Variants in ZNHIT3 observed in about 807,000 individuals in gnomAD.
ZNHIT3 encodes the protein zinc finger HIT domain-containing protein 3.
In ZNHIT3, 27 loss-of-function variants were observed where a neutral mutation model predicts 19.9. The observed-to-expected ratio is 1.36, with a 90% CI of 1.00 to 1.87. ZNHIT3 has a LOEUF of 1.87. Among genes scored for constraint, ZNHIT3 ranks in the 40% most tolerant of loss-of-function variants. The pLI is 0.00. For missense variants in ZNHIT3, 215 were observed against 185.6 expected, an observed-to-expected ratio of 1.16 and a Z score of -0.92; for synonymous variants, 81 against 65.7, an observed-to-expected ratio of 1.23 and a Z score of -1.13.
At chr17:36,498,937 G>A (rs946116742), downstream of ZNHIT3, 1 of 670,622 alleles carries the variant, frequency 1.5e-6, no homozygotes, top group East Asian at 2.8e-5. Context: ...CATACATGAG[G>A]AATATGAGGC....
At chr17:36,498,889 A>AG (rs1488060455), downstream of ZNHIT3, 2 of 598,594 alleles carry the variant, frequency 3.3e-6, no homozygotes, top group Non-Finnish European at 6.0e-6. Context: ...CTTCACCTAC[A>AG]TAACCACCCT....
intron 2 of ZNHIT3, chr17:36,490,195 C>G (rs1443668213): frequency 6.6e-6 from 1 of 152,042 alleles, no homozygotes; most frequent in African/African-American, 2.4e-5. Flanking sequence ...CCTGTGTTTT[C>G]TTGTAGTAGT....
intron 2 of ZNHIT3, chr17:36,489,307 C>T (rs1254258900): frequency 2.0e-5 from 3 of 152,156 alleles, no homozygotes; most frequent in Non-Finnish European, 4.4e-5. Flanking sequence ...GATATATATA[C>T]AGTAGTGGGA....
rs186512951 is a variant in ZNHIT3, at chr17:36,492,789, G to C, written c.119-24G>C. ...TGTCGCTGAAATGGAGGTAATGTGGGCCTGGGATTTGTGTCTTTTTCAGAA... is the reference window on the plus strand; with the variant it reads ...TGTCGCTGAAATGGAGGTAATGTGGCCCTGGGATTTGTGTCTTTTTCAGAA... On this transcript the variant is annotated intron_variant, in intron 2 of 4. Transcript: ENST00000617429. 3.0e-3 allele frequency: 4,866 copies of C among 1,609,486 alleles called. 16 individuals are homozygous for C. Among genetic ancestry groups the C allele is most frequent in the Non-Finnish European group, 3.1e-3 (3,672 of 1,176,586 alleles).
At position 36,495,650 on chromosome 17, in the gene ZNHIT3, T is replaced by C; in HGVS notation, c.*246T>C. 2 of 1,289,468 alleles carry C rather than the reference T, an allele frequency of 1.6e-6. No homozygotes were observed. Among genetic ancestry groups the C allele is most frequent in the Non-Finnish European group, 2.0e-6 (2 of 1,021,970 alleles). 79.9% of individuals were successfully genotyped at this position (1,289,468 alleles called of 1,614,324 possible). ...CATTCAGATGATTGTTTTTAAATGT[T>C]TTACTTTTGGTACAGTTGATAGACA... On this transcript the variant is annotated 3_prime_UTR_variant, in exon 5 of 5. Transcript: ENST00000617429.
intron 4 of ZNHIT3, among the ~76,000 whole-genome samples, chr17:36,494,942 A>G (rs1387096587): frequency 6.6e-6 from 1 of 152,150 alleles, no homozygotes; most frequent in Admixed American, 6.6e-5. Context: ...GATACCAAGA[A>G]CTGGTATCTG....
chr17:36,488,877 A>G (rs994577860), intron 2 of ZNHIT3, among the ~76,000 whole-genome samples: 1 of 152,246 alleles, frequency 6.6e-6, no homozygotes, highest in Non-Finnish European at 1.5e-5. Context: ...TGCTGCCAAC[A>G]TGGTCACACT....
At chr17:36,493,112 G>A (rs1277617168) in intron 3 of ZNHIT3, 2 of 595,664 alleles carry the variant, frequency 3.4e-6, no homozygotes, top group Non-Finnish European at 5.9e-6. Context: ...AAGAAAAATG[G>A]GCAGAAGACA....
At chr17:36,490,134 G>A (rs2142524395) in intron 2 of ZNHIT3, 1 of 151,964 alleles carries the variant, frequency 6.6e-6, no homozygotes, top group East Asian at 1.9e-4. Flanking sequence ...CTGTGTTTTT[G>A]AGATTTTATT....
At chr17:36,486,876 C>T (rs755027653) in intron 1 of ZNHIT3, 59 bp from the exon 2 acceptor site, 166 of 1,591,162 alleles carry the variant, frequency 1.0e-4, no homozygotes, top group African/African-American at 1.4e-4. Context: ...AGCGGGCGGG[C>T]TGCTGGAGGG....
At chr17:36,493,170 T>G (rs2070767304) in intron 3 of ZNHIT3, 1 of 514,266 alleles carries the variant, frequency 1.9e-6, no homozygotes, top group Admixed American at 3.4e-5. Context: ...CGGTGGGCCC[T>G]GCTGGCAGGA....
chr17:36,493,206 T>A (rs62070707), intron 3 of ZNHIT3: 153,566 of 435,410 alleles, frequency 0.35, 29,756 homozygotes, highest in Non-Finnish European at 0.42. Flanking sequence ...TAGCTGCTGG[T>A]CTCCCTCCAT....
chr17:36,486,926 T>TAAC lies in ZNHIT3; in HGVS notation c.87-9_87-8insAAC. 6.2e-7 allele frequency: 1 copy of TAAC among 1,609,728 alleles called. No homozygotes were observed. The highest frequency in any genetic ancestry group is 8.5e-7 in the Non-Finnish European group (1 of 1,178,936). On this transcript the variant is annotated splice_polypyrimidine_tract_variant and intron_variant, in intron 1 of 4. Transcript: ENST00000617429. Reference sequence around the variant, plus strand: ...GGGCTGACGCGGCCTGTGGCCTCTGTTGTTACAGCTGCTCGGTAGTCTGCT... The same window carrying TAAC: ...GGGCTGACGCGGCCTGTGGCCTCTGTAACTGTTACAGCTGCTCGGTAGTCTGCT...
downstream of ZNHIT3, chr17:36,498,959 A>T (rs1460268233): frequency 1.3e-6 from 1 of 790,278 alleles, no homozygotes; most frequent in Non-Finnish European, 2.1e-6. Context: ...CAGAGAGGCT[A>T]AACAACCTGC....
In ZNHIT3 at chr17:36,493,389, T is replaced by C. The variant is rs534438087; in HGVS notation, c.205+490T>C. 24 of 174,564 alleles carry C rather than the reference T, an allele frequency of 1.4e-4. 1 individual carries two copies. The highest frequency in any genetic ancestry group is 1.2e-3 in the South Asian group (8 of 6,454). 10.8% of individuals were successfully genotyped at this position (174,564 alleles called of 1,614,324 possible). ...AATACCTCCTGGGTGTCAAGCACCA[T>C]GCCAGGCTCTGAAAGCAGCCCCTCT... On this transcript the variant is annotated intron_variant, in intron 3 of 4. Transcript: ENST00000617429.
chr17:36,488,796 G>T (rs888266821), intron 2 of ZNHIT3, among the ~76,000 whole-genome samples: 1 of 152,022 alleles, frequency 6.6e-6, no homozygotes, highest in South Asian at 2.1e-4. Context: ...TAGCATATTC[G>T]CCCCAAATAA....
downstream of ZNHIT3, chr17:36,499,070 C>CT: frequency 6.2e-7 from 1 of 1,604,080 alleles, no homozygotes; most frequent in South Asian, 1.1e-5. Flanking sequence ...TTGGGTCTTA[C>CT]TTACTCTCCA....
intron 2 of ZNHIT3, chr17:36,491,471 A>C (rs1189820532): frequency 1.3e-5 from 2 of 152,128 alleles, no homozygotes; most frequent in African/African-American, 4.8e-5. Flanking sequence ...AACGGAGACA[A>C]ACTTTATCTA....
At chr17:36,497,611 C>T (rs1003184262), downstream of ZNHIT3, 25 of 893,372 alleles carry the variant, frequency 2.8e-5, no homozygotes, top group Non-Finnish European at 3.2e-5. Context: ...TTTAGATGGA[C>T]TCTCGTCCTG....
Sources: gnomAD v4.1 joint callset for allele counts (sites outside exome capture counted in the v4.1 genomes callset) on GRCh38, gnomAD v4.1.1 for gene constraint, MANE v1.5 for transcripts, NCBI Gene and HGNC (gene_info 2026-07-23, HGNC 2026-07-21) for gene names.